ATP10A: variants seen among roughly 807,000 people sequenced by gnomAD.
ATP10A encodes ATPase phospholipid transporting 10A (putative), also known as phospholipid-transporting ATPase VA.
Under a neutral mutation model 147.8 loss-of-function variants are expected in ATP10A, and 111 were observed. The observed-to-expected ratio is 0.75, with a 90% CI of 0.64 to 0.88. The LOEUF (loss-of-function observed/expected upper bound fraction) is 0.88, where lower values mean the gene tolerates loss of function less well. Ranked by LOEUF, ATP10A falls within the 40% of genes least tolerant of loss-of-function variation. The pLI is 0.00. For synonymous variants in ATP10A, 875 were observed against 841.6 expected, an observed-to-expected ratio of 1.04 and a Z score of -0.69; for missense variants, 1,927 against 1,959.0, an observed-to-expected ratio of 0.98 and a Z score of 0.31.
chr15:25,715,842 A>G (rs944495740), intron 9 of ATP10A, among the ~76,000 whole-genome samples: 1 of 152,150 alleles, frequency 6.6e-6, no homozygotes, highest in Admixed American at 6.5e-5. Flanking sequence ...GGATCCTGGG[A>G]GAGTCGGGGG....
chr15:25,732,251 T>G (rs1886978438), intron 3 of ATP10A, among the ~76,000 whole-genome samples: 1 of 152,154 alleles, frequency 6.6e-6, no homozygotes, highest in Non-Finnish European at 1.5e-5. Context: ...CTTTCTTTTT[T>G]TTGAGACTGG....
intron 1 of ATP10A, among the ~76,000 whole-genome samples, chr15:25,861,602 G>A (rs1310824870): frequency 6.6e-6 from 1 of 152,160 alleles, no homozygotes; most frequent in Non-Finnish European, 1.5e-5. Context: ...TCCTCTTTTA[G>A]GGGAACAATC....
chr15:25,749,060 CAAAAAAA>C (rs1171259548), intron 2 of ATP10A, among the ~76,000 whole-genome samples: 873 of 67,520 alleles, frequency 0.013, 6 homozygotes, highest in Admixed American at 0.018. Context: ...GAGACTCTGT[CAAAAAAA>C]AAAAAAAAAA....
chr15:25,810,368 C>T (rs117345604), intron 1 of ATP10A, among the ~76,000 whole-genome samples: 1 of 152,168 alleles, frequency 6.6e-6, no homozygotes, highest in Non-Finnish European at 1.5e-5. Flanking sequence ...GTACCTGCAC[C>T]GCTCAGCTGT....
intron 2 of ATP10A, among the ~76,000 whole-genome samples, chr15:25,767,425 G>C (rs567317990): frequency 6.6e-6 from 1 of 152,304 alleles, no homozygotes; most frequent in South Asian, 2.1e-4. Flanking sequence ...CATGGGGTTG[G>C]GGAGTGCTGT....
At chr15:25,855,867 C>T (rs544585649) in intron 1 of ATP10A, among the ~76,000 whole-genome samples, 75 of 152,234 alleles carry the variant, frequency 4.9e-4, no homozygotes, top group Admixed American at 9.2e-4. Context: ...ACAAGATCAA[C>T]ATGTAAACAT....
intron 2 of ATP10A, among the ~76,000 whole-genome samples, chr15:25,769,290 C>A (rs1341547433): frequency 6.6e-6 from 1 of 151,624 alleles, no homozygotes; most frequent in African/African-American, 2.4e-5. Context: ...TTCAAGACCA[C>A]CCTGGCCAAC....
intron 1 of ATP10A, among the ~76,000 whole-genome samples, chr15:25,787,103 G>T (rs776923824): frequency 6.6e-6 from 1 of 152,038 alleles, no homozygotes; most frequent in East Asian, 1.9e-4. Flanking sequence ...AACGCGCAGA[G>T]ACTGACCTCC....
chr15:25,788,651 A>C (rs553818777), intron 1 of ATP10A, among the ~76,000 whole-genome samples: 87 of 152,364 alleles, frequency 5.7e-4, no homozygotes, highest in African/African-American at 1.8e-3. Flanking sequence ...GCAGCGTGTT[A>C]TATCTTGTCT....
intron 2 of ATP10A, among the ~76,000 whole-genome samples, chr15:25,772,968 GGCACACGGATTATTCATTA>G (rs1189022840): frequency 6.6e-6 from 1 of 152,120 alleles, no homozygotes; most frequent in Non-Finnish European, 1.5e-5. Flanking sequence ...TCATTTCCTT[GGCACACGGATTATTCATTA>G]GCAATGGTGA....
chr15:25,806,100 T>C (rs550341507), intron 1 of ATP10A, among the ~76,000 whole-genome samples: 2 of 152,310 alleles, frequency 1.3e-5, no homozygotes, highest in Non-Finnish European at 2.9e-5. Context: ...CAGGTCCATA[T>C]ACATGTGGTT....
intron 1 of ATP10A, among the ~76,000 whole-genome samples, chr15:25,855,541 A>AACACAC (rs59597825): frequency 0.43 from 63,325 of 145,836 alleles, 15,494 homozygotes; most frequent in Admixed American, 0.54. Flanking sequence ...TATTGGTTAA[A>AACACAC]ACACACACAC....
intron 12 of ATP10A, 21 bp downstream of exon 12, chr15:25,707,955 T>A: frequency 1.2e-6 from 2 of 1,612,936 alleles, no homozygotes; most frequent in South Asian, 2.2e-5. Context: ...CCCTTAGGCA[T>A]GCGACTCTCA....
intron 1 of ATP10A, among the ~76,000 whole-genome samples, chr15:25,791,215 G>A (rs1409745656): frequency 6.6e-6 from 1 of 151,558 alleles, no homozygotes; most frequent in Non-Finnish European, 1.5e-5. Context: ...CAGTAGCTGG[G>A]ATTACAGGCG....
intron 1 of ATP10A, among the ~76,000 whole-genome samples, chr15:25,853,309 G>A (rs1037606404): frequency 6.6e-6 from 1 of 152,200 alleles, no homozygotes; most frequent in Admixed American, 6.5e-5. Context: ...TGCACAGTGG[G>A]CTCCCCTGCT....
intron 2 of ATP10A, among the ~76,000 whole-genome samples, chr15:25,739,474 G>GCTCT (rs1887467709): frequency 1.3e-5 from 2 of 152,288 alleles, no homozygotes; most frequent in South Asian, 2.1e-4. Context: ...AGTGAAGAGA[G>GCTCT]GGCATTTGGA....
chr15:25,863,255 G>A lies in ATP10A; in HGVS notation c.-159C>T, dbSNP rs1893860798. ...GCGCGCCGCCTGGCCGGCCCAGCGCGCCCAGCCCGCGCCCAGCCCCGTCCA... is the reference window on the plus strand; with the variant it reads ...GCGCGCCGCCTGGCCGGCCCAGCGCACCCAGCCCGCGCCCAGCCCCGTCCA... On this transcript the variant is annotated 5_prime_UTR_variant, in exon 1 of 21. Transcript: ENST00000555815. 2 of 331,962 alleles carry A rather than the reference G, an allele frequency of 6.0e-6. No individual in the cohort carries two copies. The highest frequency in any genetic ancestry group is 8.8e-6 in the Non-Finnish European group (2 of 227,602). 20.6% of individuals were successfully genotyped at this position (331,962 alleles called of 1,614,324 possible). A position where few individuals can be genotyped will look rare whatever the true frequency, so the allele number is the denominator to read the frequency against.
At chr15:25,794,680 C>T (rs1311277507) in intron 1 of ATP10A, among the ~76,000 whole-genome samples, 2 of 152,202 alleles carry the variant, frequency 1.3e-5, no homozygotes, top group African/African-American at 2.4e-5. Context: ...GCAGTGCCCT[C>T]GCGAAACTGA....
At chr15:25,811,000 G>T (rs11161229) in intron 1 of ATP10A, among the ~76,000 whole-genome samples, 2 of 152,026 alleles carry the variant, frequency 1.3e-5, no homozygotes, top group Non-Finnish European at 2.9e-5. Flanking sequence ...GGAAGGAGGC[G>T]GGAGGATCAT....
Sources: allele counts gnomAD v4.1 joint callset (sites outside exome capture counted in the v4.1 genomes callset), GRCh38; gene constraint gnomAD v4.1.1; transcripts MANE v1.5; gene names NCBI Gene and HGNC (gene_info 2026-07-23, HGNC 2026-07-21).